WWOX: variants seen among roughly 807,000 people sequenced by gnomAD.
WWOX encodes the protein WW domain-containing oxidoreductase.
A neutral mutation model predicts 46.2 loss-of-function variants in WWOX; 69 were observed. That is an observed-to-expected ratio of 1.49 (90% confidence interval 1.23 to 1.82). WWOX has a LOEUF of 1.82. WWOX is among the 40% of genes most tolerant of loss of function. The pLI is 0.00. For synonymous variants in WWOX, 359 were observed against 202.6 expected (o/e 1.77, Z -6.56); for missense variants, 919 against 542.6 (o/e 1.69, Z -6.89).
At chr16:78,162,519 T>C (rs72804965) in intron 4 of WWOX, among the ~76,000 whole-genome samples, 2,789 of 124,196 alleles carry the variant, frequency 0.022, 37 homozygotes, top group Non-Finnish European at 0.037. Context: ...AGCTTGCACA[T>C]ATATATATAC....
intron 8 of WWOX, among the ~76,000 whole-genome samples, chr16:78,519,447 T>A (rs2043303509): frequency 6.6e-6 from 1 of 151,988 alleles, no homozygotes; most frequent in Non-Finnish European, 1.5e-5. Flanking sequence ...GTCTAATGTG[T>A]TTCCTTCTAA....
intron 5 of WWOX, among the ~76,000 whole-genome samples, chr16:78,384,542 A>G (rs1321705528): frequency 6.6e-6 from 1 of 152,014 alleles, no homozygotes. Flanking sequence ...ACATGCCTTC[A>G]ATATTCTTGG....
intron 8 of WWOX, among the ~76,000 whole-genome samples, chr16:78,616,447 A>T (rs947840532): frequency 1.3e-5 from 2 of 151,146 alleles, no homozygotes; most frequent in Middle Eastern, 3.2e-3. Flanking sequence ...AGCAGAGGCA[A>T]CTCTCTGGGG....
chr16:78,944,836 T>G (rs1251916050), intron 8 of WWOX, among the ~76,000 whole-genome samples: 1 of 152,128 alleles, frequency 6.6e-6, no homozygotes, highest in Non-Finnish European at 1.5e-5. Context: ...GCTGCTTCCC[T>G]GGTAATTCAC....
chr16:78,400,804 C>A (rs1009137221), intron 6 of WWOX, among the ~76,000 whole-genome samples: 1 of 152,204 alleles, frequency 6.6e-6, no homozygotes, highest in Non-Finnish European at 1.5e-5. Flanking sequence ...ATCAACACTA[C>A]AATTCATATA....
At chr16:78,677,198 A>G (rs561272131) in intron 8 of WWOX, among the ~76,000 whole-genome samples, 170 of 152,244 alleles carry the variant, frequency 1.1e-3, no homozygotes, top group Admixed American at 2.1e-3. Context: ...GTCCCAGGCA[A>G]TCAGGCTCTT....
intron 8 of WWOX, among the ~76,000 whole-genome samples, chr16:79,070,977 C>A (rs1307988713): frequency 2.6e-5 from 4 of 152,156 alleles, no homozygotes; most frequent in African/African-American, 9.7e-5. Context: ...CTCCCTACCC[C>A]CACATACTTT....
intron 8 of WWOX, among the ~76,000 whole-genome samples, chr16:78,675,686 A>C (rs1299782346): frequency 1.3e-5 from 2 of 152,272 alleles, no homozygotes; most frequent in East Asian, 3.9e-4. Flanking sequence ...TAAAAACATG[A>C]CTTTCTGGCC....
chr16:78,789,987 A>T (rs1826903785), intron 8 of WWOX, among the ~76,000 whole-genome samples: 1 of 152,190 alleles, frequency 6.6e-6, no homozygotes, highest in Admixed American at 6.5e-5. Flanking sequence ...TGACTATAAA[A>T]TGCTAACAAT....
At chr16:78,952,852 G>A (rs971530725) in intron 8 of WWOX, among the ~76,000 whole-genome samples, 5 of 152,194 alleles carry the variant, frequency 3.3e-5, no homozygotes, top group Non-Finnish European at 7.3e-5. Context: ...ATAAATCTGC[G>A]CTTTAGAGGC....
intron 8 of WWOX, among the ~76,000 whole-genome samples, chr16:78,462,726 G>A (rs931042600): frequency 2.0e-5 from 3 of 152,184 alleles, no homozygotes; most frequent in Admixed American, 6.5e-5. Flanking sequence ...ATACAAACTG[G>A]CGTATGTTAT....
At chr16:78,482,998 AAAGGAGTC>A in intron 8 of WWOX, among the ~76,000 whole-genome samples, 1 of 152,256 alleles carries the variant, frequency 6.6e-6, no homozygotes, top group Non-Finnish European at 1.5e-5. Flanking sequence ...CACTTTAAGA[AAAGGAGTC>A]AAACATTTAG....
At chr16:78,997,331 C>T (rs1358193351) in intron 8 of WWOX, among the ~76,000 whole-genome samples, 1 of 152,094 alleles carries the variant, frequency 6.6e-6, no homozygotes, top group African/African-American at 2.4e-5. Flanking sequence ...AAATAACGTA[C>T]CTCTTAACTG....
chr16:78,819,577 G>GC (rs1346800862), intron 8 of WWOX, among the ~76,000 whole-genome samples: 50 of 152,214 alleles, frequency 3.3e-4, no homozygotes, highest in Middle Eastern at 3.2e-3. Context: ...TGGGTACTCT[G>GC]CATGTGGGGT....
intron 8 of WWOX, among the ~76,000 whole-genome samples, chr16:78,687,880 A>G (rs144119251): frequency 6.6e-6 from 1 of 152,296 alleles, no homozygotes; most frequent in Non-Finnish European, 1.5e-5. Context: ...AAAATTAGCT[A>G]GAAACGCATG....
chr16:78,699,739 C>T (rs940790456), intron 8 of WWOX, among the ~76,000 whole-genome samples: 3 of 152,168 alleles, frequency 2.0e-5, no homozygotes, highest in African/African-American at 7.2e-5. Flanking sequence ...TTGAGGTTTG[C>T]CTTTTTTCAG....
intron 8 of WWOX, among the ~76,000 whole-genome samples, chr16:78,745,729 T>A (rs1300545108): frequency 6.6e-6 from 1 of 151,218 alleles, no homozygotes; most frequent in African/African-American, 2.4e-5. Flanking sequence ...TTTCTTCTTT[T>A]CCTCCTCCTT....
At chr16:78,496,987 C>G (rs534178292) in intron 8 of WWOX, among the ~76,000 whole-genome samples, 1 of 152,282 alleles carries the variant, frequency 6.6e-6, no homozygotes, top group African/African-American at 2.4e-5. Flanking sequence ...TTAACTATGG[C>G]AAAGATGTTA....
In WWOX at chr16:78,831,630, CTTGAG is replaced by C. The variant is rs546794191; in HGVS notation, c.1057-379975_1057-379971del. The stretch of plus-strand genomic sequence containing the variant: ...AGGTGGGTCACTCAGTCTTTCTTTT[CTTGAG>C]TTTTTTCATCTGTGAAAGAGTGATC... On this transcript the variant is annotated intron_variant, in intron 8 of 8. Coordinates refer to ENST00000566780, the MANE Select transcript of WWOX (RefSeq NM_016373.4). Among the ~76,000 whole-genome samples, 19 of 152,264 alleles carry C rather than the reference CTTGAG, an allele frequency of 1.2e-4. No homozygotes were observed. The South Asian group carries it at 3.7e-3, about 30-fold the overall frequency.
Sources: gnomAD v4.1 joint callset for allele counts (sites outside exome capture counted in the v4.1 genomes callset) on GRCh38, gnomAD v4.1.1 for gene constraint, MANE v1.5 for transcripts, NCBI Gene and HGNC (gene_info 2026-07-23, HGNC 2026-07-21) for gene names.